WWOX: variants seen among roughly 807,000 people sequenced by gnomAD.
The protein encoded by WWOX is WW domain containing oxidoreductase, also known as WW domain-containing oxidoreductase.
WWOX carries 69 observed loss-of-function variants against 46.2 expected under a neutral mutation model. The observed-to-expected ratio is 1.49, with a 90% confidence interval of 1.23 to 1.82. The LOEUF is 1.82. WWOX is among the 40% of genes most tolerant of loss of function. WWOX has a pLI of 0.00. For synonymous variants in WWOX, 359 were observed against 202.6 expected (o/e 1.77, Z -6.56); for missense variants, 919 against 542.6 (o/e 1.69, Z -6.89).
chr16:78,871,540 G>T (rs190481936), intron 8 of WWOX, among the ~76,000 whole-genome samples: 5 of 152,300 alleles, frequency 3.3e-5, no homozygotes, highest in Admixed American at 3.3e-4. Context: ...TTCACGCTTG[G>T]ATGACTCTGG....
chr16:78,386,222 C>T (rs531258633), intron 5 of WWOX, among the ~76,000 whole-genome samples: 1 of 152,246 alleles, frequency 6.6e-6, no homozygotes, highest in South Asian at 2.1e-4. Context: ...AATGTCCAGC[C>T]CGTGGCAGGC....
At chr16:78,864,781 T>G (rs1227472165) in intron 8 of WWOX, among the ~76,000 whole-genome samples, 2 of 107,638 alleles carry the variant, frequency 1.9e-5, no homozygotes, top group African/African-American at 3.5e-5. Context: ...TTTTTTTTTT[T>G]TGAGACAGTC....
intron 8 of WWOX, among the ~76,000 whole-genome samples, chr16:79,124,451 A>G (rs2049707361): frequency 6.6e-6 from 1 of 152,172 alleles, no homozygotes; most frequent in Non-Finnish European, 1.5e-5. Flanking sequence ...CGTTAAGGGA[A>G]AGGAAGACAG....
At position 78,633,478 on chromosome 16, in the gene WWOX, G is replaced by T. The variant is rs773418751; in HGVS notation, c.1056+200726G>T. Among the ~76,000 whole-genome samples the T allele has an allele frequency of 4.6e-5, 7 of 152,078 alleles. 1 individual carries two copies. Among genetic ancestry groups the T allele is most frequent in the Non-Finnish European group, 1.0e-4 (7 of 68,032 alleles). On this transcript the variant is annotated intron_variant, in intron 8 of 8. Coordinates refer to ENST00000566780, the MANE Select transcript of WWOX (RefSeq NM_016373.4). ...CCGTATGACTTTAAAACAGAACCAC[G>T]AGTTCAGAACTTTGGTTAGGTCCTG...
At chr16:78,448,896 A>G (rs1344056810) in intron 8 of WWOX, among the ~76,000 whole-genome samples, 2 of 152,150 alleles carry the variant, frequency 1.3e-5, no homozygotes, top group Non-Finnish European at 2.9e-5. Flanking sequence ...TAGGATTATA[A>G]TGACACCTGA....
At chr16:78,335,831 T>A (rs2080876888) in intron 5 of WWOX, among the ~76,000 whole-genome samples, 1 of 152,094 alleles carries the variant, frequency 6.6e-6, no homozygotes, top group South Asian at 2.1e-4. Flanking sequence ...ATGACTCACA[T>A]TTGTAATCCC....
At chr16:78,916,811 C>T (rs1292329536) in intron 8 of WWOX, among the ~76,000 whole-genome samples, 1 of 152,194 alleles carries the variant, frequency 6.6e-6, no homozygotes, top group Admixed American at 6.5e-5. Context: ...TTTCAATTTT[C>T]TGCTGTATGA....
intron 8 of WWOX, among the ~76,000 whole-genome samples, chr16:78,478,533 G>A (rs897713815): frequency 6.6e-6 from 1 of 152,120 alleles, no homozygotes; most frequent in Admixed American, 6.5e-5. Context: ...TGGCTTGGCA[G>A]CCTACTCTCC....
chr16:78,356,555 C>T (rs8064138), intron 5 of WWOX, among the ~76,000 whole-genome samples: 112,307 of 151,978 alleles, frequency 0.74, 42,950 homozygotes, highest in African/African-American at 0.83. Context: ...GGCAGTGGGA[C>T]AGAGAGGTGC....
chr16:79,042,097 T>C (rs1179021011), intron 8 of WWOX, among the ~76,000 whole-genome samples: 1 of 152,214 alleles, frequency 6.6e-6, no homozygotes, highest in African/African-American at 2.4e-5. Flanking sequence ...TGCCTGCACC[T>C]GCTTGCTCTT....
chr16:78,887,044 G>GA lies in WWOX; in HGVS notation c.1057-324562dup, dbSNP rs545372278. 3.4e-3 allele frequency among the ~76,000 whole-genome samples: 511 copies of GA among 150,064 alleles called. 5 individuals carry two copies. Among genetic ancestry groups the GA allele is most frequent in the Non-Finnish European group, 4.7e-3 (319 of 67,714 alleles). ...AACCTTTTCTGAAATTGGAAGTGAT[G>GA]AAGTGACAGTCTGGCTATATGTGTG... On this transcript the variant is annotated intron_variant, in intron 8 of 8. Transcript: ENST00000566780.
chr16:78,360,693 GA>G (rs1567524030), intron 5 of WWOX, among the ~76,000 whole-genome samples: 58 of 44,550 alleles, frequency 1.3e-3, no homozygotes, highest in African/African-American at 1.9e-3. Flanking sequence ...CTAGAAAATA[GA>G]CAATGGTGCT....
intron 8 of WWOX, among the ~76,000 whole-genome samples, chr16:78,742,102 C>A (rs2049242727): frequency 6.6e-6 from 1 of 152,164 alleles, no homozygotes; most frequent in Admixed American, 6.6e-5. Flanking sequence ...CCCCTATTTA[C>A]CTTTATCTTT....
At chr16:78,390,416 C>G (rs1374438507) in intron 6 of WWOX, among the ~76,000 whole-genome samples, 1 of 152,182 alleles carries the variant, frequency 6.6e-6, no homozygotes, top group Non-Finnish European at 1.5e-5. Context: ...GCCCTAATCC[C>G]AGATTTTAGC....
chr16:78,871,894 G>T (rs1435455211), intron 8 of WWOX, among the ~76,000 whole-genome samples: 3 of 152,152 alleles, frequency 2.0e-5, no homozygotes, highest in Admixed American at 6.5e-5. Context: ...TGAGCCCCCA[G>T]GCCCTACCCT....
intron 8 of WWOX, among the ~76,000 whole-genome samples, chr16:78,757,523 G>C (rs992948821): frequency 1.3e-5 from 2 of 152,244 alleles, no homozygotes; most frequent in East Asian, 3.9e-4. Context: ...AATTTTACAG[G>C]TAGTTGGGGT....
intron 8 of WWOX, among the ~76,000 whole-genome samples, chr16:79,139,878 ACCCAAGACCCT>A (rs1331439353): frequency 6.6e-6 from 1 of 152,182 alleles, no homozygotes; most frequent in African/African-American, 2.4e-5. Flanking sequence ...TATGGCGCAT[ACCCAAGACCCT>A]CCCCATAAAC....
rs1261969272 is a variant in WWOX, at chr16:78,733,296, A to AAAT, written c.1056+300550_1056+300552dup. Among the ~76,000 whole-genome samples the AAAT allele has an allele frequency of 6.6e-5, 10 of 152,282 alleles. No homozygotes were observed. The South Asian group carries it at 1.9e-3, about 28-fold the overall frequency. ...ATAGGGAGATCACTGTTTCTACAAA[A>AAAT]AATAATAAATTAGCTGAGTGTGATG... On this transcript the variant is annotated intron_variant, in intron 8 of 8. Coordinates refer to ENST00000566780, the MANE Select transcript of WWOX (RefSeq NM_016373.4).
At chr16:79,010,356 C>A (rs1451966902) in intron 8 of WWOX, among the ~76,000 whole-genome samples, 2 of 152,084 alleles carry the variant, frequency 1.3e-5, no homozygotes, top group African/African-American at 4.8e-5. Context: ...GCCTTTAACT[C>A]AGTGGCAGCT....
Sources: allele counts gnomAD v4.1 joint callset (sites outside exome capture counted in the v4.1 genomes callset), GRCh38; gene constraint gnomAD v4.1.1; transcripts MANE v1.5; gene names NCBI Gene and HGNC (gene_info 2026-07-23, HGNC 2026-07-21).